The following NPEPPS variants were observed in gnomAD, a reference collection of about 807,000 sequenced individuals.
NPEPPS encodes aminopeptidase puromycin sensitive.
NPEPPS carries 14 observed loss-of-function variants against 115.5 expected under a neutral mutation model. The ratio of observed to expected loss-of-function variants is 0.12; its 90% CI spans 0.08 to 0.19. NPEPPS has a LOEUF of 0.19. Among genes scored for constraint, NPEPPS ranks in the 10% least tolerant of loss-of-function variants. The pLI, the probability that NPEPPS is intolerant of heterozygous loss-of-function variation, is 1.00. For missense variants in NPEPPS, 523 were observed against 1,110.8 expected (o/e 0.47, Z 7.52); for synonymous variants, 285 against 390.6 (o/e 0.73, Z 3.19).
At chr17:47,537,435 T>C (rs998357434) in intron 1 of NPEPPS, among the ~76,000 whole-genome samples, 1 of 152,188 alleles carries the variant, frequency 6.6e-6, no homozygotes, top group Non-Finnish European at 1.5e-5. Flanking sequence ...GGCTCACGCC[T>C]GTAATCCCAG....
intron 3 of NPEPPS, among the ~76,000 whole-genome samples, chr17:47,577,831 G>T (rs1253482336): frequency 1.3e-5 from 2 of 152,076 alleles, no homozygotes; most frequent in African/African-American, 4.8e-5. Context: ...CTGTAGACTC[G>T]CACTCCCCAT....
chr17:47,575,907 C>T (rs1422352774), intron 3 of NPEPPS, among the ~76,000 whole-genome samples: 5 of 152,222 alleles, frequency 3.3e-5, no homozygotes, highest in South Asian at 2.1e-4. Flanking sequence ...CACGCCCCAC[C>T]GACAATATTG....
intron 2 of NPEPPS, among the ~76,000 whole-genome samples, chr17:47,554,309 G>GGATT (rs1439700191): frequency 1.4e-4 from 22 of 152,006 alleles, no homozygotes; most frequent in African/African-American, 5.3e-4. Flanking sequence ...TAAAGTGTTG[G>GGATT]GATTACAGGC....
At chr17:47,576,429 T>G (rs1190588293) in intron 3 of NPEPPS, among the ~76,000 whole-genome samples, 1 of 152,180 alleles carries the variant, frequency 6.6e-6, no homozygotes, top group Admixed American at 6.5e-5. Context: ...GAGCCGAAGG[T>G]TGCAGTGAGC....
At chr17:47,571,682 C>T (rs1366687241) in intron 3 of NPEPPS, among the ~76,000 whole-genome samples, 3 of 152,166 alleles carry the variant, frequency 2.0e-5, no homozygotes, top group African/African-American at 7.2e-5. Context: ...CGCACCACTG[C>T]ACTCCAGCCT....
At chr17:47,583,301 T>C (rs989010399) in intron 5 of NPEPPS, among the ~76,000 whole-genome samples, 1 of 152,138 alleles carries the variant, frequency 6.6e-6, no homozygotes, top group Non-Finnish European at 1.5e-5. Flanking sequence ...CAAAAGGTCT[T>C]GGGCTGGATA....
At chr17:47,608,453 C>CAAAA (rs36062497) in intron 17 of NPEPPS, among the ~76,000 whole-genome samples, 6 of 79,148 alleles carry the variant, frequency 7.6e-5, no homozygotes, top group Admixed American at 2.8e-4. Context: ...GACTCCGTCT[C>CAAAA]AAAAAAAAAA....
At chr17:47,540,266 A>C (rs1394801859) in intron 1 of NPEPPS, among the ~76,000 whole-genome samples, 1 of 151,974 alleles carries the variant, frequency 6.6e-6, no homozygotes, top group African/African-American at 2.4e-5. Flanking sequence ...TCCTTTAATA[A>C]CATCAAGTAG....
At chr17:47,539,945 T>C (rs1408095002) in intron 1 of NPEPPS, among the ~76,000 whole-genome samples, 1 of 152,202 alleles carries the variant, frequency 6.6e-6, no homozygotes, top group Non-Finnish European at 1.5e-5. Context: ...ATTGTCACAC[T>C]GGAGATTTTC....
At chr17:47,594,793 C>T (rs1381396135) in intron 12 of NPEPPS, among the ~76,000 whole-genome samples, 10 of 151,972 alleles carry the variant, frequency 6.6e-5, no homozygotes, top group South Asian at 4.2e-4. Flanking sequence ...CCACCACGCC[C>T]GGCTAATTTT....
At chr17:47,594,978 G>A (rs1220412647) in intron 12 of NPEPPS, among the ~76,000 whole-genome samples, 3 of 151,362 alleles carry the variant, frequency 2.0e-5, no homozygotes, top group Non-Finnish European at 2.9e-5. Context: ...CGCCCAGGCT[G>A]GAGTGCAGTG....
upstream of NPEPPS, among the ~76,000 whole-genome samples, chr17:47,530,550 G>T (rs1434447996): frequency 6.6e-6 from 1 of 151,080 alleles, no homozygotes; most frequent in South Asian, 2.1e-4. Context: ...TAGAGACGGG[G>T]TTTCACCATG....
chr17:47,550,612 A>G (rs1422726070), intron 2 of NPEPPS, among the ~76,000 whole-genome samples: 2 of 143,046 alleles, frequency 1.4e-5, no homozygotes, highest in Admixed American at 7.4e-5. Flanking sequence ...ATATATATAT[A>G]TGTATATATA....
chr17:47,608,802 A>G (rs556885336), intron 17 of NPEPPS, among the ~76,000 whole-genome samples: 47 of 152,234 alleles, frequency 3.1e-4, no homozygotes, highest in African/African-American at 1.0e-3. Context: ...AGATGAAAAG[A>G]AACAGTAGAT....
intron 1 of NPEPPS, among the ~76,000 whole-genome samples, chr17:47,535,237 T>A (rs1476150354): frequency 1.6e-5 from 1 of 63,446 alleles, no homozygotes; most frequent in Admixed American, 2.4e-4. Context: ...AGCAAGACTC[T>A]GTCTCAAAAA....
chr17:47,601,711 G>C lies in NPEPPS; in HGVS notation c.1704G>C (p.Val568=). 1.2e-6 allele frequency: 2 copies of C among 1,613,250 alleles called. No homozygotes were observed. The highest frequency in any genetic ancestry group is 1.7e-6 in the Non-Finnish European group (2 of 1,179,630). ...TAATGGACAAGCCAGAGATGAATGT[G>C]GTTTTGAAAAATGTCAAACCAGACC... ...KILMDKPEMN[V]VLKNVKPDQW... The change falls in exon 15 of 23, where the codon GTG becomes GTC. Residue 568 remains valine (V), a synonymous_variant. Transcript: ENST00000322157.
At chr17:47,538,085 G>T (rs1364739567) in intron 1 of NPEPPS, among the ~76,000 whole-genome samples, 1 of 150,320 alleles carries the variant, frequency 6.7e-6, no homozygotes, top group African/African-American at 2.4e-5. Context: ...TAGAGACAGG[G>T]TTTCACCATG....
intron 2 of NPEPPS, among the ~76,000 whole-genome samples, chr17:47,549,800 A>G (rs1361482729): frequency 6.6e-6 from 1 of 150,544 alleles, no homozygotes; most frequent in Non-Finnish European, 1.5e-5. Flanking sequence ...AAAAAAAAAA[A>G]AAGTTTGGAT....
chr17:47,590,173 G>C (rs1377425713), intron 9 of NPEPPS, among the ~76,000 whole-genome samples: 2 of 152,052 alleles, frequency 1.3e-5, no homozygotes, highest in South Asian at 2.1e-4. Flanking sequence ...CTCCAGCCTG[G>C]GCAACAGAAT....
Sources: gnomAD v4.1 joint callset for allele counts (sites outside exome capture counted in the v4.1 genomes callset) on GRCh38, gnomAD v4.1.1 for gene constraint, MANE v1.5 for transcripts, NCBI Gene and HGNC (gene_info 2026-07-23, HGNC 2026-07-21) for gene names.